The following AGBL1 variants were observed in gnomAD, a reference collection of about 807,000 sequenced individuals.
AGBL1 encodes the protein cytosolic carboxypeptidase 4.
In AGBL1, 130 loss-of-function variants were observed where a neutral mutation model predicts 118.9. The ratio of observed to expected loss-of-function variants is 1.09; its 90% CI spans 0.95 to 1.26. AGBL1 has a LOEUF of 1.26. AGBL1 is among the 50% of genes most tolerant of loss of function. AGBL1 has a pLI of 0.00. For missense variants in AGBL1, 1,584 were observed against 1,298.1 expected (o/e 1.22, Z -3.38); for synonymous variants, 555 against 478.9 (o/e 1.16, Z -2.08).
chr15:86,817,544 CAG>C lies in AGBL1; in HGVS notation c.3159-89541_3159-89540del, dbSNP rs1567188435. Among the ~76,000 whole-genome samples the C allele has an allele frequency of 4.3e-5, 6 of 139,058 alleles. 1 individual carries two copies. The South Asian group carries it at 9.8e-4, about 23-fold the overall frequency. The allele number at this position is 139,058 out of a possible 152,430, so 91.2% of individuals were successfully genotyped here. ...GCATACACACACACACACACACACA[CAG>C]ACACACAGAGGAGAGAGAGAAAGAG... On this transcript the variant is annotated intron_variant, in intron 22 of 22. Coordinates refer to ENST00000614907, the MANE Select transcript of AGBL1 (RefSeq NM_001386094.1).
intron 21 of AGBL1, among the ~76,000 whole-genome samples, chr15:86,641,473 C>A (rs1596330407): frequency 1.3e-5 from 2 of 151,838 alleles, no homozygotes; most frequent in Non-Finnish European, 2.9e-5. Flanking sequence ...CCTAGTCACA[C>A]AATTCTCCTT....
intron 23 of AGBL1, among the ~76,000 whole-genome samples, chr15:86,945,253 A>AT (rs2141661006): frequency 6.6e-6 from 1 of 151,536 alleles, no homozygotes; most frequent in East Asian, 1.9e-4. Flanking sequence ...CTAAAAAAAA[A>AT]AAAAAAAAAA....
intron 21 of AGBL1, among the ~76,000 whole-genome samples, chr15:86,588,048 CATT>C (rs1555428575): frequency 1.3e-5 from 2 of 152,146 alleles, no homozygotes; most frequent in Non-Finnish European, 2.9e-5. Context: ...CACTATTCTT[CATT>C]ATTCTAAATA....
chr15:86,607,945 A>G (rs1444852679), intron 21 of AGBL1, among the ~76,000 whole-genome samples: 1 of 152,146 alleles, frequency 6.6e-6, no homozygotes, highest in East Asian at 1.9e-4. Flanking sequence ...TTTATTTGAG[A>G]TGATATCTAT....
intron 17 of AGBL1, among the ~76,000 whole-genome samples, chr15:86,351,353 C>T (rs1475295921): frequency 6.6e-6 from 1 of 152,098 alleles, no homozygotes. Flanking sequence ...GAATGTCCCC[C>T]CTGTTAATAC....
chr15:86,226,057 G>A (rs2078356850), intron 6 of AGBL1, among the ~76,000 whole-genome samples: 1 of 152,164 alleles, frequency 6.6e-6, no homozygotes, highest in Non-Finnish European at 1.5e-5. Flanking sequence ...GCTGTGATAT[G>A]AGATCCACAG....
At chr15:86,703,324 C>T (rs2086392432) in intron 22 of AGBL1, among the ~76,000 whole-genome samples, 1 of 152,106 alleles carries the variant, frequency 6.6e-6, no homozygotes, top group Non-Finnish European at 1.5e-5. Flanking sequence ...GTGGTAAGAG[C>T]TTGGACTCTG....
intron 22 of AGBL1, among the ~76,000 whole-genome samples, chr15:86,841,554 C>T (rs564350074): frequency 6.6e-6 from 1 of 152,242 alleles, no homozygotes; most frequent in East Asian, 1.9e-4. Flanking sequence ...GCTCTAGAGT[C>T]AGAAAAGTTG....
chr15:86,353,223 A>C (rs998638137), intron 17 of AGBL1, among the ~76,000 whole-genome samples: 1 of 152,210 alleles, frequency 6.6e-6, no homozygotes, highest in Non-Finnish European at 1.5e-5. Flanking sequence ...GCTTTGGGCT[A>C]TCAGAAAATA....
intron 5 of AGBL1, among the ~76,000 whole-genome samples, chr15:86,167,737 G>A (rs1004427730): frequency 2.0e-5 from 3 of 152,164 alleles, no homozygotes; most frequent in Admixed American, 2.0e-4. Flanking sequence ...GGAAGGAAAG[G>A]GTCAAAAGGA....
intron 18 of AGBL1, among the ~76,000 whole-genome samples, chr15:86,442,525 C>T (rs922810048): frequency 8.5e-5 from 13 of 152,276 alleles, no homozygotes; most frequent in South Asian, 4.1e-4. Context: ...CCATTAATAA[C>T]GATAACAGTC....
At chr15:87,024,553 C>T (rs762256094) in intron 24 of AGBL1, among the ~76,000 whole-genome samples, 1 of 151,942 alleles carries the variant, frequency 6.6e-6, no homozygotes, top group Non-Finnish European at 1.5e-5. Context: ...AGAATTCTAC[C>T]AGACATTCAA....
chr15:86,135,762 T>C (rs553809389), intron 1 of AGBL1, among the ~76,000 whole-genome samples: 44 of 152,266 alleles, frequency 2.9e-4, no homozygotes, highest in Non-Finnish European at 4.9e-4. Flanking sequence ...TTTCTACTCC[T>C]CCAGTTGAGG....
At chr15:87,004,914 G>C (rs1353387736) in intron 24 of AGBL1, among the ~76,000 whole-genome samples, 1 of 152,110 alleles carries the variant, frequency 6.6e-6, no homozygotes, top group Non-Finnish European at 1.5e-5. Context: ...TCATTTGCTT[G>C]TCTGTACAGT....
At chr15:86,845,098 C>G (rs1280697504) in intron 22 of AGBL1, among the ~76,000 whole-genome samples, 1 of 152,000 alleles carries the variant, frequency 6.6e-6, no homozygotes, top group East Asian at 1.9e-4. Flanking sequence ...AATCAAAGTC[C>G]TCCAAATTTT....
chr15:86,329,109 G>A (rs1259976317), intron 17 of AGBL1, among the ~76,000 whole-genome samples: 1 of 152,096 alleles, frequency 6.6e-6, no homozygotes, highest in Admixed American at 6.5e-5. Flanking sequence ...TAGGTGACGA[G>A]ACTTGCAGCC....
chr15:86,399,093 C>G (rs1000587447), intron 18 of AGBL1, among the ~76,000 whole-genome samples: 30 of 152,104 alleles, frequency 2.0e-4, no homozygotes, highest in Admixed American at 3.9e-4. Flanking sequence ...CCTTTAAGCA[C>G]ATGGGAAAAC....
intron 21 of AGBL1, among the ~76,000 whole-genome samples, chr15:86,598,502 C>T (rs2447257): frequency 0.88 from 134,336 of 152,100 alleles, 59,889 homozygotes; most frequent in East Asian, 1. Flanking sequence ...GAAGCCACCA[C>T]GACTAGCCCA....
At chr15:86,565,607 G>A (rs1056743288) in intron 21 of AGBL1, among the ~76,000 whole-genome samples, 9 of 152,334 alleles carry the variant, frequency 5.9e-5, no homozygotes, top group East Asian at 3.9e-4. Context: ...AAGTCTGTCC[G>A]TTCTCTGATC....
Sources: gnomAD v4.1 joint callset for allele counts (sites outside exome capture counted in the v4.1 genomes callset) on GRCh38, gnomAD v4.1.1 for gene constraint, MANE v1.5 for transcripts, NCBI Gene and HGNC (gene_info 2026-07-23, HGNC 2026-07-21) for gene names.